Variants in ARID4B observed in about 807,000 individuals in gnomAD.
ARID4B encodes the protein AT-rich interaction domain 4B.
A neutral mutation model predicts 147.5 loss-of-function variants in ARID4B; 26 were observed. The ratio of observed to expected loss-of-function variants is 0.18; its 90% CI spans 0.13 to 0.24. The LOEUF is 0.24. Ranked by LOEUF, ARID4B falls within the 10% of genes least tolerant of loss-of-function variation. The pLI, the probability that ARID4B is intolerant of heterozygous loss-of-function variation, is 1.00. For synonymous variants in ARID4B, 512 were observed against 507.9 expected (o/e 1.01, Z -0.11); for missense variants, 1,179 against 1,511.5 (o/e 0.78, Z 3.65).
At chr1:235,266,626 G>A (rs556452654) in intron 2 of ARID4B, among the ~76,000 whole-genome samples, 3 of 152,252 alleles carry the variant, frequency 2.0e-5, no homozygotes, top group East Asian at 1.9e-4. Flanking sequence ...AAAAGCATAA[G>A]CAATTTTAAA....
chr1:235,236,292 T>C (rs1218803654), intron 8 of ARID4B, among the ~76,000 whole-genome samples: 1 of 152,092 alleles, frequency 6.6e-6, no homozygotes, highest in East Asian at 1.9e-4. Flanking sequence ...CATACATCAA[T>C]AATTCTAAGA....
intron 7 of ARID4B, among the ~76,000 whole-genome samples, chr1:235,244,953 C>A (rs987949899): frequency 2.6e-5 from 4 of 152,132 alleles, no homozygotes; most frequent in Non-Finnish European, 5.9e-5. Context: ...TGCTTACACA[C>A]CAAGGCTTAA....
chr1:235,245,555 C>T (rs1010989357), intron 7 of ARID4B, among the ~76,000 whole-genome samples: 15 of 151,106 alleles, frequency 9.9e-5, no homozygotes, highest in Non-Finnish European at 1.6e-4. Context: ...TATATAAAAA[C>T]GTAGAAATTT....
intron 2 of ARID4B, among the ~76,000 whole-genome samples, chr1:235,287,255 T>A (rs986042891): frequency 2.7e-5 from 4 of 149,948 alleles, no homozygotes; most frequent in Non-Finnish European, 1.5e-5. Context: ...TAAGACTCTG[T>A]CTCAGAAAAA....
chr1:235,250,485 T>G (rs1669575635), intron 6 of ARID4B, among the ~76,000 whole-genome samples: 1 of 152,228 alleles, frequency 6.6e-6, no homozygotes, highest in South Asian at 2.1e-4. Context: ...ATATGTTTGA[T>G]TGTTTGATTA....
At chr1:235,267,239 C>T (rs866978058) in intron 2 of ARID4B, among the ~76,000 whole-genome samples, 22 of 152,200 alleles carry the variant, frequency 1.4e-4, no homozygotes, top group Middle Eastern at 3.4e-3. Flanking sequence ...GACTGCAACA[C>T]GGCACTCCAG....
At position 235,294,245 on chromosome 1, in the gene ARID4B, A is replaced by C. The variant is rs117392452; in HGVS notation, c.6+32669T>G. ...AATTAAATTTTAAGTAAAAACATAC[A>C]GTAAAATAATACCTCTTTCGTTACT... On this transcript the variant is annotated intron_variant, in intron 2 of 23. Transcript: ENST00000264183. Among the ~76,000 whole-genome samples, 542 of 151,820 alleles carry C rather than the reference A, an allele frequency of 3.6e-3. 17 individuals carry two copies. In the East Asian group the frequency reaches 0.075, roughly 21 times the overall value.
intron 8 of ARID4B, among the ~76,000 whole-genome samples, chr1:235,236,856 ATATATATTTTTTTTTTTTT>A (rs1668632960): frequency 2.8e-5 from 1 of 35,092 alleles, no homozygotes; most frequent in African/African-American, 9.0e-5. Context: ...ATATATATAT[ATATATATTTTTTTTTTTTT>A]TTTTTTTTTT....
At position 235,260,626 on chromosome 1, in the gene ARID4B, T is replaced by C. The variant is rs1670234621; in HGVS notation, c.117+16A>G. On this transcript the variant is annotated intron_variant, in intron 3 of 23. Transcript: ENST00000264183. ...AATGCTGAACATACAATTTATGAAA[T>C]CTATAAATACTGTACCTTGACTTTG... The C allele has an allele frequency of 2.0e-6, 3 of 1,523,026 alleles. No homozygotes were observed. Among genetic ancestry groups the C allele is most frequent in the African/African-American group, 1.4e-5 (1 of 71,008 alleles). 94.3% of individuals were successfully genotyped at this position (1,523,026 alleles called of 1,614,324 possible).
At chr1:235,185,251 T>C (rs1664595828) in intron 19 of ARID4B, among the ~76,000 whole-genome samples, 2 of 152,256 alleles carry the variant, frequency 1.3e-5, no homozygotes. Flanking sequence ...ATAACATATG[T>C]AAATGTGGTT....
chr1:235,215,194 A>G (rs571668497), intron 16 of ARID4B, among the ~76,000 whole-genome samples: 1 of 152,074 alleles, frequency 6.6e-6, no homozygotes, highest in African/African-American at 2.4e-5. Flanking sequence ...AAAACTGAGC[A>G]TTCATATCCT....
intron 2 of ARID4B, among the ~76,000 whole-genome samples, chr1:235,325,007 C>T (rs1424782407): frequency 1.3e-5 from 2 of 152,150 alleles, no homozygotes; most frequent in Non-Finnish European, 2.9e-5. Context: ...TTCTGAATTG[C>T]AATTTTTGCT....
At chr1:235,274,849 C>T (rs555430387) in intron 2 of ARID4B, among the ~76,000 whole-genome samples, 2 of 152,204 alleles carry the variant, frequency 1.3e-5, no homozygotes, top group African/African-American at 4.8e-5. Flanking sequence ...TAAATAATAC[C>T]TTCTGCCTTA....
chr1:235,191,607 G>C (rs950368189), intron 19 of ARID4B, among the ~76,000 whole-genome samples: 1 of 152,114 alleles, frequency 6.6e-6, no homozygotes, highest in African/African-American at 2.4e-5. Context: ...ATCAGAACTG[G>C]CTTATGACCT....
intron 2 of ARID4B, among the ~76,000 whole-genome samples, chr1:235,296,665 G>A (rs1177030024): frequency 6.6e-6 from 1 of 150,844 alleles, no homozygotes; most frequent in Non-Finnish European, 1.5e-5. Flanking sequence ...TTGCCATGTT[G>A]CCCAGGCTAG....
intron 2 of ARID4B, among the ~76,000 whole-genome samples, chr1:235,292,407 T>C (rs1325325419): frequency 6.6e-6 from 1 of 152,040 alleles, no homozygotes; most frequent in African/African-American, 2.4e-5. Flanking sequence ...TGAGGTCAGG[T>C]GTTCAAGAAC....
intron 2 of ARID4B, among the ~76,000 whole-genome samples, chr1:235,324,187 G>A (rs540192033): frequency 3.6e-4 from 55 of 152,084 alleles, no homozygotes; most frequent in Non-Finnish European, 7.1e-4. Flanking sequence ...GATTACAGGC[G>A]TGAGCCACCA....
At chr1:235,203,792 A>G (rs1380635344) in intron 17 of ARID4B, among the ~76,000 whole-genome samples, 1 of 152,188 alleles carries the variant, frequency 6.6e-6, no homozygotes, top group Non-Finnish European at 1.5e-5. Flanking sequence ...GTATGACAAA[A>G]TAATAGAAAA....
At chr1:235,215,028 AGT>A (rs1666967189) in intron 16 of ARID4B, among the ~76,000 whole-genome samples, 2 of 151,568 alleles carry the variant, frequency 1.3e-5, no homozygotes, top group Admixed American at 6.6e-5. Flanking sequence ...TATTTTTAGT[AGT>A]GACAGGGTTT....
Sources: gnomAD v4.1 joint callset for allele counts (sites outside exome capture counted in the v4.1 genomes callset) on GRCh38, gnomAD v4.1.1 for gene constraint, MANE v1.5 for transcripts, NCBI Gene and HGNC (gene_info 2026-07-23, HGNC 2026-07-21) for gene names.